THEMIS: variants seen among roughly 807,000 people sequenced by gnomAD.
THEMIS encodes the protein protein THEMIS.
THEMIS carries 37 observed loss-of-function variants against 52.6 expected under a neutral mutation model. The ratio of observed to expected loss-of-function variants is 0.70; its 90% CI spans 0.54 to 0.93. The LOEUF (loss-of-function observed/expected upper bound fraction) is 0.93, where lower values mean the gene tolerates loss of function less well. THEMIS is among the 40% of genes least tolerant of loss of function. THEMIS has a pLI of 0.00. For missense variants in THEMIS, 808 were observed against 763.1 expected (o/e 1.06, Z -0.69); for synonymous variants, 292 against 272.7 (o/e 1.07, Z -0.70).
At chr6:127,763,286 T>G (rs975733306) in intron 4 of THEMIS, among the ~76,000 whole-genome samples, 4 of 152,052 alleles carry the variant, frequency 2.6e-5, no homozygotes, top group Non-Finnish European at 5.9e-5. Flanking sequence ...GCATTTATAG[T>G]GCTGTATAAC....
In THEMIS at chr6:127,709,812, G is replaced by T. The variant is rs490008; in HGVS notation, c.*173C>A. On this transcript the variant is annotated 3_prime_UTR_variant, in exon 6 of 6. Transcript: ENST00000368248. The stretch of plus-strand genomic sequence containing the variant: ...AGACTATATGAATTCTATATCATAG[G>T]TTTCTGTAAGTTTTATCTGTTAAAA... 0.35 allele frequency: 202,711 copies of T among 587,290 alleles called. 41,143 individuals carry two copies. The highest frequency in any genetic ancestry group is 0.44 in the Non-Finnish European group (147,663 of 339,294). 36.4% of individuals were successfully genotyped at this position (587,290 alleles called of 1,614,324 possible).
chr6:127,841,961 T>C (rs889521274), intron 2 of THEMIS, among the ~76,000 whole-genome samples: 1 of 152,010 alleles, frequency 6.6e-6, no homozygotes, highest in African/African-American at 2.4e-5. Context: ...ATTCCTTGGA[T>C]AGCGAATTAT....
At chr6:127,777,256 T>C (rs956089530) in intron 4 of THEMIS, among the ~76,000 whole-genome samples, 3 of 152,054 alleles carry the variant, frequency 2.0e-5, no homozygotes, top group African/African-American at 7.2e-5. Flanking sequence ...TAATTGCAAA[T>C]ATTTTCAGAT....
At chr6:127,744,714 A>G (rs1040900412) in intron 4 of THEMIS, among the ~76,000 whole-genome samples, 1 of 151,854 alleles carries the variant, frequency 6.6e-6, no homozygotes, top group African/African-American at 2.4e-5. Context: ...ATATAAAGTT[A>G]CAGTCATGCA....
intron 4 of THEMIS, among the ~76,000 whole-genome samples, chr6:127,811,841 T>C (rs1777917951): frequency 6.6e-6 from 1 of 152,194 alleles, no homozygotes. Flanking sequence ...CTTTCAAAAC[T>C]GTTTGTCTGG....
chr6:127,913,457 T>G (rs1233135880), intron 1 of THEMIS, among the ~76,000 whole-genome samples: 2 of 152,214 alleles, frequency 1.3e-5, no homozygotes, highest in Non-Finnish European at 2.9e-5. Context: ...ACCAGCACTA[T>G]GCTAAGAAAT....
chr6:127,774,778 T>A (rs1776503614), intron 4 of THEMIS, among the ~76,000 whole-genome samples: 1 of 152,180 alleles, frequency 6.6e-6, no homozygotes, highest in South Asian at 2.1e-4. Context: ...TATTATACTT[T>A]AAGTTCAGAA....
intron 1 of THEMIS, among the ~76,000 whole-genome samples, chr6:127,865,416 T>C (rs768333385): frequency 1.8e-4 from 28 of 152,220 alleles, no homozygotes; most frequent in Admixed American, 3.3e-4. Context: ...GCCTGCTGAG[T>C]TAACCCTTTA....
At chr6:127,918,531 G>A (rs1449365374) in exon 1 of THEMIS, 1 of 152,156 alleles carries the variant, frequency 6.6e-6, no homozygotes, top group Admixed American at 6.6e-5. Context: ...GATCCAGGAA[G>A]AGCCTCTCAC....
At chr6:127,772,755 C>A (rs1219903415) in intron 4 of THEMIS, among the ~76,000 whole-genome samples, 1 of 152,004 alleles carries the variant, frequency 6.6e-6, no homozygotes. Context: ...TCTCTCAAAT[C>A]CGATATTATT....
At chr6:127,740,058 G>C (rs1436012468) in intron 4 of THEMIS, among the ~76,000 whole-genome samples, 2 of 152,150 alleles carry the variant, frequency 1.3e-5, no homozygotes, top group Admixed American at 1.3e-4. Context: ...GGTTGGAAAA[G>C]AGCCATTGGA....
chr6:127,771,768 G>A (rs899931252), intron 4 of THEMIS, among the ~76,000 whole-genome samples: 64 of 152,024 alleles, frequency 4.2e-4, no homozygotes, highest in African/African-American at 1.4e-3. Flanking sequence ...GTTACACTAC[G>A]AACTTTCCCC....
At chr6:127,799,020 G>T (rs993945595) in intron 4 of THEMIS, among the ~76,000 whole-genome samples, 1 of 149,728 alleles carries the variant, frequency 6.7e-6, no homozygotes, top group Non-Finnish European at 1.5e-5. Context: ...AAAGAAAAAA[G>T]AAAAATTAAA....
intron 2 of THEMIS, among the ~76,000 whole-genome samples, chr6:127,830,690 AAAAAAATAAAAAAT>A (rs545468594): frequency 5.9e-5 from 9 of 152,048 alleles, no homozygotes; most frequent in East Asian, 3.9e-4. Context: ...TGTCTCTCAA[AAAAAAATAAAAAAT>A]AAAAAATAAA....
intron 4 of THEMIS, among the ~76,000 whole-genome samples, chr6:127,790,039 A>T (rs1303234385): frequency 6.6e-6 from 1 of 152,220 alleles, no homozygotes; most frequent in African/African-American, 2.4e-5. Flanking sequence ...CAATCGAGCA[A>T]GAGAAAGATA....
At chr6:127,733,976 G>A (rs1000889716) in intron 4 of THEMIS, among the ~76,000 whole-genome samples, 3 of 152,162 alleles carry the variant, frequency 2.0e-5, no homozygotes, top group Non-Finnish European at 4.4e-5. Context: ...TTCTGCATGA[G>A]TGGCTGTATG....
At chr6:127,742,137 C>A (rs941631586) in intron 4 of THEMIS, among the ~76,000 whole-genome samples, 1 of 151,700 alleles carries the variant, frequency 6.6e-6, no homozygotes, top group Non-Finnish European at 1.5e-5. Flanking sequence ...CATGGTGAAA[C>A]CCCGTCTCTA....
At chr6:127,751,138 A>T (rs1775629061) in intron 4 of THEMIS, among the ~76,000 whole-genome samples, 2 of 151,782 alleles carry the variant, frequency 1.3e-5, no homozygotes, top group South Asian at 4.1e-4. Flanking sequence ...CAAAAGTATT[A>T]AAAGTAACTA....
intron 3 of THEMIS, among the ~76,000 whole-genome samples, chr6:127,821,829 G>A (rs1392311889): frequency 6.6e-6 from 1 of 151,856 alleles, no homozygotes; most frequent in Non-Finnish European, 1.5e-5. Flanking sequence ...AACACTCTTG[G>A]TCTCAACTCA....
Sources: allele counts gnomAD v4.1 joint callset (sites outside exome capture counted in the v4.1 genomes callset), GRCh38; gene constraint gnomAD v4.1.1; transcripts MANE v1.5; gene names NCBI Gene and HGNC (gene_info 2026-07-23, HGNC 2026-07-21).